TENM2: variants seen among roughly 807,000 people sequenced by gnomAD.
TENM2 encodes teneurin-2.
TENM2 carries 52 observed loss-of-function variants against 245.2 expected under a neutral mutation model. The ratio of observed to expected loss-of-function variants is 0.21; its 90% CI spans 0.17 to 0.27. TENM2 has a LOEUF of 0.27. Ranked by LOEUF, TENM2 falls within the 10% of genes least tolerant of loss-of-function variation. TENM2 has a pLI of 1.00. For synonymous variants in TENM2, 1,363 were observed against 1,438.9 expected, an observed-to-expected ratio of 0.95 and a Z score of 1.19; for missense variants, 3,046 against 3,666.8, an observed-to-expected ratio of 0.83 and a Z score of 4.37.
At chr5:167,571,882 A>G (rs1774286902) in intron 2 of TENM2, among the ~76,000 whole-genome samples, 1 of 152,182 alleles carries the variant, frequency 6.6e-6, no homozygotes, top group South Asian at 2.1e-4. Context: ...CAATAATGTC[A>G]TTTAAAGGAG....
At chr5:167,682,404 C>T (rs1442398564) in intron 2 of TENM2, among the ~76,000 whole-genome samples, 1 of 151,970 alleles carries the variant, frequency 6.6e-6, no homozygotes, top group Non-Finnish European at 1.5e-5. Context: ...CTTAGGCAAC[C>T]TGCCCGCCTC....
chr5:167,722,579 T>C (rs985444992), intron 2 of TENM2, among the ~76,000 whole-genome samples: 1 of 152,020 alleles, frequency 6.6e-6, no homozygotes, highest in Non-Finnish European at 1.5e-5. Context: ...ATCGAGACCA[T>C]CCTGGCCAAC....
At chr5:168,091,378 A>G (rs1374610495) in intron 8 of TENM2, among the ~76,000 whole-genome samples, 6 of 152,322 alleles carry the variant, frequency 3.9e-5, no homozygotes, top group Middle Eastern at 3.4e-3. Flanking sequence ...CCTGCTTTCT[A>G]TTAGCTATCA....
At chr5:167,889,100 A>AAACC (rs1561900089) in intron 3 of TENM2, among the ~76,000 whole-genome samples, 2 of 152,098 alleles carry the variant, frequency 1.3e-5, no homozygotes, top group African/African-American at 4.8e-5. Flanking sequence ...CAAAACAAAC[A>AAACC]AAAAAACCAC....
At chr5:167,652,836 G>C (rs887865805) in intron 2 of TENM2, among the ~76,000 whole-genome samples, 4 of 151,960 alleles carry the variant, frequency 2.6e-5, no homozygotes, top group African/African-American at 9.7e-5. Flanking sequence ...TCCCTCTTTC[G>C]CTTTTATTAC....
At chr5:167,640,842 CATATATATATATATATCCAT>C (rs1208663447) in intron 2 of TENM2, among the ~76,000 whole-genome samples, 5 of 75,488 alleles carry the variant, frequency 6.6e-5, no homozygotes, top group Admixed American at 2.0e-4. Flanking sequence ...TATATATATC[CATATATATATATATATCCAT>C]ATATATATAT....
chr5:167,467,686 A>T (rs1766755124), intron 2 of TENM2, among the ~76,000 whole-genome samples: 1 of 152,190 alleles, frequency 6.6e-6, no homozygotes, highest in African/African-American at 2.4e-5. Flanking sequence ...GATGAAAATA[A>T]GAACATATTT....
At chr5:167,861,631 C>T (rs1472365128) in intron 2 of TENM2, among the ~76,000 whole-genome samples, 1 of 152,206 alleles carries the variant, frequency 6.6e-6, no homozygotes, top group East Asian at 1.9e-4. Context: ...ACGCTGTGGC[C>T]ATTGTGTCAG....
At chr5:167,370,198 T>C (rs939117259) in intron 1 of TENM2, among the ~76,000 whole-genome samples, 3 of 151,772 alleles carry the variant, frequency 2.0e-5, no homozygotes, top group East Asian at 3.9e-4. Context: ...AAAAATTAGC[T>C]GGGTGTAGTG....
At position 167,645,284 on chromosome 5, in the gene TENM2, A is replaced by G. The variant is rs13361299; in HGVS notation, c.503-230702A>G. On this transcript the variant is annotated intron_variant, in intron 2 of 28. Coordinates refer to ENST00000518659, the Ensembl canonical transcript of TENM2. Reference sequence around the variant, plus strand: ...CAAATTTTCATTTTCCCAATCTCTTATAATGACTCATGACCGGGTGAAGGA... The same window carrying G: ...CAAATTTTCATTTTCCCAATCTCTTGTAATGACTCATGACCGGGTGAAGGA... 8.1e-3 allele frequency among the ~76,000 whole-genome samples: 1,227 copies of G among 152,270 alleles called. 23 individuals carry two copies. The highest frequency in any genetic ancestry group is 0.028 in the African/African-American group (1,166 of 41,552).
At chr5:167,051,760 A>G in the TENM2 span, among the ~76,000 whole-genome samples, 2 of 152,210 alleles carry the variant, frequency 1.3e-5, no homozygotes, top group African/African-American at 2.4e-5. Flanking sequence ...AGATTTCTCT[A>G]TTCAAGTAGG....
chr5:167,798,239 G>A (rs1765459124), intron 2 of TENM2, among the ~76,000 whole-genome samples: 1 of 152,190 alleles, frequency 6.6e-6, no homozygotes, highest in South Asian at 2.1e-4. Context: ...TACCAGCACT[G>A]AAAGTGAAGG....
Position 167,746,710 on chromosome 5 carries a change from A to AGAGAGC in TENM2, c.503-129275_503-129270dup, listed in dbSNP as rs1554109883. On this transcript the variant is annotated intron_variant, in intron 2 of 28. Coordinates refer to ENST00000518659, the Ensembl canonical transcript of TENM2. The stretch of plus-strand genomic sequence containing the variant: ...GAGAGAGAGAGAGAGAGAGAGAGAG[A>AGAGAGC]GAGAGCTGGACTCTACACAATTAGT... 2.7e-3 allele frequency among the ~76,000 whole-genome samples: 385 copies of AGAGAGC among 144,972 alleles called. 4 individuals carry two copies. The highest frequency in any genetic ancestry group is 8.8e-3 in the African/African-American group (342 of 39,084).
the TENM2 span, among the ~76,000 whole-genome samples, chr5:167,123,448 G>C: frequency 6.6e-6 from 1 of 152,202 alleles, no homozygotes; most frequent in Non-Finnish European, 1.5e-5. Flanking sequence ...TGAACAGTCA[G>C]ACTCTGGTGA....
intron 3 of TENM2, among the ~76,000 whole-genome samples, chr5:167,886,751 A>C (rs1049917204): frequency 2.0e-5 from 3 of 152,220 alleles, no homozygotes; most frequent in African/African-American, 7.2e-5. Flanking sequence ...AAACATTTAC[A>C]TGAGATTGGG....
the TENM2 span, among the ~76,000 whole-genome samples, chr5:167,073,005 T>C: frequency 7.3e-3 from 1,113 of 152,330 alleles, 11 homozygotes; most frequent in Non-Finnish European, 0.013. Flanking sequence ...TAATGTATCT[T>C]AATAGAAATA....
chr5:167,646,284 A>G (rs1779966568), intron 2 of TENM2, among the ~76,000 whole-genome samples: 1 of 147,122 alleles, frequency 6.8e-6, no homozygotes, highest in African/African-American at 2.5e-5. Flanking sequence ...GTGTCACTCC[A>G]GGTAATGGGT....
chr5:167,021,073 G>T, the TENM2 span, among the ~76,000 whole-genome samples: 4 of 152,206 alleles, frequency 2.6e-5, no homozygotes, highest in South Asian at 2.1e-4. Flanking sequence ...CAACCCAGGA[G>T]GGGGAGGTTG....
chr5:167,763,889 T>A (rs960052057), intron 2 of TENM2, among the ~76,000 whole-genome samples: 2 of 152,164 alleles, frequency 1.3e-5, no homozygotes, highest in Admixed American at 1.3e-4. Context: ...TTTTCAACTT[T>A]AGCCCTCTCA....
Sources: gnomAD v4.1 joint callset for allele counts (sites outside exome capture counted in the v4.1 genomes callset) on GRCh38, gnomAD v4.1.1 for gene constraint, MANE v1.5 for transcripts, NCBI Gene and HGNC (gene_info 2026-07-23, HGNC 2026-07-21) for gene names.